MAN2A1: variants seen among roughly 807,000 people sequenced by gnomAD.
MAN2A1 encodes the protein alpha-mannosidase 2.
Under a neutral mutation model 142.6 loss-of-function variants are expected in MAN2A1, and 76 were observed. The observed-to-expected ratio is 0.53, with a 90% CI of 0.44 to 0.65. The LOEUF (loss-of-function observed/expected upper bound fraction) is 0.65. Among genes scored for constraint, MAN2A1 ranks in the 30% least tolerant of loss-of-function variants. The pLI, the probability that MAN2A1 is intolerant of heterozygous loss-of-function variation, is 0.00. For synonymous variants in MAN2A1, 559 were observed against 473.2 expected, an observed-to-expected ratio of 1.18 and a Z score of -2.35; for missense variants, 1,311 against 1,365.1, an observed-to-expected ratio of 0.96 and a Z score of 0.62.
At chr5:109,832,853 AGGGG>A (rs1561535065) in intron 16 of MAN2A1, among the ~76,000 whole-genome samples, 10 of 147,774 alleles carry the variant, frequency 6.8e-5, no homozygotes, top group African/African-American at 2.4e-4. Context: ...TGCCGGGCGG[AGGGG>A]CTCCTCACTT....
chr5:109,720,456 T>TA (rs1200881477), intron 3 of MAN2A1, among the ~76,000 whole-genome samples: 3 of 152,236 alleles, frequency 2.0e-5, no homozygotes, highest in African/African-American at 4.8e-5. Context: ...AAAAAGTTTG[T>TA]AAAAAAAGAA....
intron 3 of MAN2A1, among the ~76,000 whole-genome samples, chr5:109,720,333 T>C (rs762032239): frequency 3.3e-5 from 5 of 152,212 alleles, no homozygotes; most frequent in Non-Finnish European, 7.3e-5. Flanking sequence ...TGCAATTCTT[T>C]TGTAGAACTT....
At chr5:109,808,766 C>T (rs1176951564) in intron 12 of MAN2A1, among the ~76,000 whole-genome samples, 2 of 145,746 alleles carry the variant, frequency 1.4e-5, no homozygotes, top group South Asian at 2.1e-4. Flanking sequence ...TGCAGTGATA[C>T]AGTCTCGGCT....
intron 1 of MAN2A1, among the ~76,000 whole-genome samples, chr5:109,701,479 G>T (rs572864813): frequency 4.7e-4 from 71 of 152,276 alleles, no homozygotes; most frequent in Admixed American, 2.1e-3. Context: ...AGATGGTAGT[G>T]AATCACTCCA....
rs143791250 is a variant in MAN2A1 at position 109,726,612 on chromosome 5, CTG to C, written c.536-2727_536-2726del. On this transcript the variant is annotated intron_variant, in intron 3 of 21. Coordinates refer to ENST00000261483, the MANE Select transcript of MAN2A1 (RefSeq NM_002372.4). ...GAAGGCAAAATGGACTAATCAATCA[CTG>C]TGATTCCTCTGTGAAAACTCCCATG... 3.6e-3 allele frequency among the ~76,000 whole-genome samples: 548 copies of C among 152,300 alleles called. 5 individuals are homozygous for C. The highest frequency in any genetic ancestry group is 0.013 in the African/African-American group (527 of 41,564).
intron 20 of MAN2A1, among the ~76,000 whole-genome samples, chr5:109,856,351 G>A (rs1755605275): frequency 6.6e-6 from 1 of 152,194 alleles, no homozygotes. Context: ...CCTAAATAAT[G>A]TTTTAACAAA....
At chr5:109,731,522 C>T (rs1353009435) in intron 4 of MAN2A1, among the ~76,000 whole-genome samples, 1 of 111,104 alleles carries the variant, frequency 9.0e-6, no homozygotes, top group African/African-American at 3.4e-5. Flanking sequence ...TCCCCCAACC[C>T]CACAACAGTC....
At chr5:109,697,885 G>A (rs1043201565) in intron 1 of MAN2A1, among the ~76,000 whole-genome samples, 2 of 152,188 alleles carry the variant, frequency 1.3e-5, no homozygotes, top group Admixed American at 6.5e-5. Flanking sequence ...TTTAGAGAGT[G>A]GTTTAAAACT....
chr5:109,701,138 CAA>C (rs1413362573), intron 1 of MAN2A1, among the ~76,000 whole-genome samples: 1 of 152,104 alleles, frequency 6.6e-6, no homozygotes, highest in Non-Finnish European at 1.5e-5. Flanking sequence ...AAGACTAAAA[CAA>C]GAGTCAATGA....
At position 109,773,627 on chromosome 5, in the gene MAN2A1, G is replaced by A. The variant is rs147627543; in HGVS notation, c.1197-1161G>A. 1.5e-4 allele frequency among the ~76,000 whole-genome samples: 23 copies of A among 152,046 alleles called. No homozygotes were observed. The East Asian group carries it at 3.9e-3, about 26-fold the overall frequency. On this transcript the variant is annotated intron_variant, in intron 7 of 21. Transcript: ENST00000261483. ...AAACTAAGCATTATATGTTACATAA[G>A]GACGCTGTGGTTATATTTTACTCAC...
intron 1 of MAN2A1, among the ~76,000 whole-genome samples, chr5:109,708,216 G>A (rs1751192952): frequency 6.6e-6 from 1 of 152,072 alleles, no homozygotes; most frequent in African/African-American, 2.4e-5. Context: ...GGGAAGGAGT[G>A]CTCCATTGTG....
At chr5:109,845,412 A>G (rs1355868771) in intron 17 of MAN2A1, among the ~76,000 whole-genome samples, 1 of 152,186 alleles carries the variant, frequency 6.6e-6, no homozygotes, top group Admixed American at 6.5e-5. Flanking sequence ...GATTTGGTGC[A>G]GAGACCTGTG....
intron 4 of MAN2A1, among the ~76,000 whole-genome samples, chr5:109,733,492 G>C (rs1457240851): frequency 6.6e-6 from 1 of 152,168 alleles, no homozygotes; most frequent in East Asian, 1.9e-4. Flanking sequence ...GATATTGGCT[G>C]TAGGTTTGTC....
At chr5:109,789,093 T>A (rs769045095) in intron 11 of MAN2A1, 45 bp downstream of exon 11, 9 of 991,000 alleles carry the variant, frequency 9.1e-6, no homozygotes, top group Non-Finnish European at 1.4e-5. Context: ...TGTAATTCCA[T>A]TGTTCTTGCA....
At chr5:109,738,184 A>G (rs1157273481) in intron 4 of MAN2A1, among the ~76,000 whole-genome samples, 1 of 139,072 alleles carries the variant, frequency 7.2e-6, no homozygotes, top group African/African-American at 2.6e-5. Flanking sequence ...GACTGTACTT[A>G]TTTTTTGCTA....
At chr5:109,744,011 C>T (rs976941321) in intron 4 of MAN2A1, among the ~76,000 whole-genome samples, 2 of 152,132 alleles carry the variant, frequency 1.3e-5, no homozygotes, top group African/African-American at 4.8e-5. Context: ...AGGAATTTGC[C>T]TGTGTTCAGC....
At chr5:109,776,429 T>G (rs2112659554) in intron 8 of MAN2A1, among the ~76,000 whole-genome samples, 1 of 152,224 alleles carries the variant, frequency 6.6e-6, no homozygotes, top group South Asian at 2.1e-4. Flanking sequence ...CATACATGAA[T>G]ATGTGATCAG....
chr5:109,822,871 G>A (rs1407709941), intron 15 of MAN2A1, among the ~76,000 whole-genome samples: 2 of 152,028 alleles, frequency 1.3e-5, no homozygotes, highest in Non-Finnish European at 2.9e-5. Flanking sequence ...TAGAGACGGG[G>A]TTTCACCATG....
chr5:109,698,545 T>C (rs1278947252), intron 1 of MAN2A1, among the ~76,000 whole-genome samples: 4 of 151,772 alleles, frequency 2.6e-5, no homozygotes, highest in African/African-American at 9.8e-5. Context: ...TTTAAGTATT[T>C]GTTTTTTTGC....
Sources: allele counts gnomAD v4.1 joint callset (sites outside exome capture counted in the v4.1 genomes callset), GRCh38; gene constraint gnomAD v4.1.1; transcripts MANE v1.5; gene names NCBI Gene and HGNC (gene_info 2026-07-23, HGNC 2026-07-21).